DET1: variants seen among roughly 807,000 people sequenced by gnomAD.
The protein encoded by DET1 is DET1 homolog.
In DET1, 22 loss-of-function variants were observed where a neutral mutation model predicts 43.7. The ratio of observed to expected loss-of-function variants is 0.50; its 90% CI spans 0.36 to 0.72. The LOEUF (loss-of-function observed/expected upper bound fraction) is 0.72. Among genes scored for constraint, DET1 ranks in the 30% least tolerant of loss-of-function variants. DET1 has a pLI of 0.00. For synonymous variants in DET1, 315 were observed against 266.2 expected, an observed-to-expected ratio of 1.18 and a Z score of -1.79; for missense variants, 713 against 713.3, an observed-to-expected ratio of 1.00 and a Z score of 0.00.
intron 7 of DET1, among the ~76,000 whole-genome samples, chr15:88,506,652 G>C (rs530189075): frequency 6.6e-6 from 1 of 152,260 alleles, no homozygotes; most frequent in South Asian, 2.1e-4. Context: ...CTTCATGACT[G>C]AGTTTAAGTT....
At chr15:88,528,027 C>A (rs183327232) in intron 2 of DET1, among the ~76,000 whole-genome samples, 4 of 152,272 alleles carry the variant, frequency 2.6e-5, no homozygotes, top group African/African-American at 9.6e-5. Flanking sequence ...TCAATGTTGC[C>A]AGATTTTCCA....
At chr15:88,523,672 C>A (rs1455676667) in intron 3 of DET1, among the ~76,000 whole-genome samples, 4 of 152,236 alleles carry the variant, frequency 2.6e-5, no homozygotes. Context: ...AGCTCCTGAC[C>A]GCGAGTGATC....
At chr15:88,513,286 A>G (rs969419162) in intron 4 of DET1, 146 bp from the exon 5 acceptor site, 9 of 815,750 alleles carry the variant, frequency 1.1e-5, no homozygotes, top group African/African-American at 1.7e-5. Context: ...CCAGGTTATC[A>G]GAAGTATAAA....
At chr15:88,509,067 T>G (rs1398574568), downstream of DET1, among the ~76,000 whole-genome samples, 2 of 152,230 alleles carry the variant, frequency 1.3e-5, no homozygotes, top group Non-Finnish European at 2.9e-5. Context: ...CAAGTACAGA[T>G]GCAAGTCATA....
chr15:88,522,197 T>G (rs2056508778), intron 3 of DET1, among the ~76,000 whole-genome samples: 1 of 152,226 alleles, frequency 6.6e-6, no homozygotes, highest in Admixed American at 6.5e-5. Context: ...CAAAAATTCC[T>G]GAAAGTTTAA....
At position 88,512,802 on chromosome 15, in the gene DET1, C is replaced by A; in HGVS notation, c.*149G>T. The A allele has an allele frequency of 7.1e-7, 1 of 1,412,212 alleles. No homozygotes were observed. Among genetic ancestry groups the A allele is most frequent in the Non-Finnish European group, 9.2e-7 (1 of 1,083,112 alleles). 87.5% of individuals were successfully genotyped at this position (1,412,212 alleles called of 1,614,324 possible). ...AAAAATTCCATTAGGTTGAGCCACC[C>A]TCACTCCTCTCTCTGGCTCTCTCCC... is the stretch of plus-strand genomic sequence containing the variant. On this transcript the variant is annotated 3_prime_UTR_variant, in exon 5 of 5. Transcript: ENST00000268148.
At chr15:88,527,285 A>G (rs997448847) in intron 3 of DET1, among the ~76,000 whole-genome samples, 4 of 152,240 alleles carry the variant, frequency 2.6e-5, no homozygotes, top group African/African-American at 9.6e-5. Context: ...AAAAGTTTCT[A>G]AAATGATTTT....
In DET1 at chr15:88,516,638, G is replaced by C. The variant is rs2056351637; in HGVS notation, c.1463+144C>G. 3.1e-6 allele frequency: 2 copies of C among 642,408 alleles called. No homozygotes were observed. Among genetic ancestry groups the C allele is most frequent in the Non-Finnish European group, 4.9e-6 (2 of 406,550 alleles). The allele number at this position is 642,408 out of a possible 1,614,324, so 39.8% of individuals were successfully genotyped here. A position where few individuals can be genotyped will look rare whatever the true frequency, so the allele number is the denominator to read the frequency against. ...CACCTAAATGATCACAGCTCTCACT[G>C]CATTATAGAAATAGCCTGCCTTTTC... On this transcript the variant is annotated intron_variant, in intron 4 of 4. Transcript: ENST00000268148. The surrounding 1 kb of genome is among the most constrained non-coding windows in gnomAD (Gnocchi z 4.4).
rs115377705 is a variant in DET1 at position 88,531,770 on chromosome 15, A to G, written c.-10-55T>C. The G allele has an allele frequency of 2.1e-3, 3,134 of 1,480,066 alleles. 58 individuals are homozygous for G. In the African/African-American group the frequency reaches 0.038, roughly 18 times the overall value. 91.7% of individuals were successfully genotyped at this position (1,480,066 alleles called of 1,614,324 possible). A position where few individuals can be genotyped will look rare whatever the true frequency, so the allele number is the denominator to read the frequency against. ...AAAGTGAAACAGAATTTACCAAAAT[A>G]TAAATATATACAAGTGAAACAGATT... is the stretch of plus-strand genomic sequence containing the variant. On this transcript the variant is annotated intron_variant, in intron 1 of 4. Coordinates refer to ENST00000268148, the MANE Select transcript of DET1 (RefSeq NM_001144074.3). This position sits in a 1 kb window ranked among gnomAD's most constrained non-coding sequence, Gnocchi z 6.2.
chr15:88,515,538 TATAAAAAAAAAAAA>T (rs1201107911), intron 4 of DET1, among the ~76,000 whole-genome samples: 1,036 of 47,494 alleles, frequency 0.022, 77 homozygotes, highest in South Asian at 0.1. Context: ...GACTCCGTCT[TATAAAAAAAAAAAA>T]AAAAAAAAAA....
intron 3 of DET1, among the ~76,000 whole-genome samples, chr15:88,524,989 A>G (rs2056623479): frequency 6.6e-6 from 1 of 152,206 alleles, no homozygotes; most frequent in African/African-American, 2.4e-5. Context: ...TATACATTAT[A>G]TTTTCAATGT....
At chr15:88,524,097 T>C (rs2056586872) in intron 3 of DET1, among the ~76,000 whole-genome samples, 1 of 148,614 alleles carries the variant, frequency 6.7e-6, no homozygotes, top group African/African-American at 2.5e-5. Context: ...CGCCGCCCCA[T>C]CTGGGATGTG....
rs1446372951 is a variant in DET1, at chr15:88,535,768, A to G, written c.-10-4053T>C. On this transcript the variant is annotated intron_variant, in intron 1 of 4. Transcript: ENST00000268148. ...GAGACTCTGTCAAAAGAAAGAAAAAAAGAAAGAAAGAAAGGAAGGAAGGGG... is the reference window on the plus strand; with the variant it reads ...GAGACTCTGTCAAAAGAAAGAAAAAGAGAAAGAAAGAAAGGAAGGAAGGGG... Among the ~76,000 whole-genome samples, 3 of 148,486 alleles carry G rather than the reference A, an allele frequency of 2.0e-5. No homozygotes were observed. The South Asian group carries it at 6.8e-4, about 33-fold the overall frequency.
At chr15:88,536,726 G>A (rs773167950) in intron 1 of DET1, among the ~76,000 whole-genome samples, 3 of 135,572 alleles carry the variant, frequency 2.2e-5, no homozygotes, top group Non-Finnish European at 4.6e-5. Context: ...AGTCAAGATT[G>A]TACCACTGCA....
intron 4 of DET1, among the ~76,000 whole-genome samples, chr15:88,515,399 T>TGTGGTG (rs2056313334): frequency 1.3e-5 from 2 of 150,040 alleles, no homozygotes; most frequent in African/African-American, 4.9e-5. Context: ...ATTAGCCAGG[T>TGTGGTG]GTGGTGGTGG....
chr15:88,531,826 C>T lies in DET1; in HGVS notation c.-10-111G>A. On this transcript the variant is annotated intron_variant, in intron 1 of 4. Transcript: ENST00000268148. This position sits in a 1 kb window ranked among gnomAD's most constrained non-coding sequence, Gnocchi z 6.2. ...TCTTATATCCTGAACCTAGGAGCTC[C>T]CAAGATGACAGTGACTGGCATTACT... 5 of 1,058,816 alleles carry T rather than the reference C, an allele frequency of 4.7e-6. No homozygotes were observed. The highest frequency in any genetic ancestry group is 6.6e-6 in the Non-Finnish European group (5 of 756,422). The allele number at this position is 1,058,816 out of a possible 1,614,324, so 65.6% of individuals were successfully genotyped here.
chr15:88,536,628 A>T (rs1020929459), intron 1 of DET1, among the ~76,000 whole-genome samples: 3 of 151,834 alleles, frequency 2.0e-5, no homozygotes, highest in Admixed American at 2.0e-4. Context: ...AAATACAAAA[A>T]TTAGCTGGGC....
intron 3 of DET1, among the ~76,000 whole-genome samples, chr15:88,517,602 CT>C (rs1288894161): frequency 6.6e-6 from 1 of 152,150 alleles, no homozygotes; most frequent in Non-Finnish European, 1.5e-5. Flanking sequence ...ACTATTTCTA[CT>C]CTTTTCTAAT....
intron 3 of DET1, among the ~76,000 whole-genome samples, chr15:88,519,083 C>T (rs558819122): frequency 1.3e-5 from 2 of 152,276 alleles, no homozygotes; most frequent in African/African-American, 2.4e-5. Context: ...CCTGACTCAC[C>T]GACTCCCTGG....
Sources: gnomAD v4.1 joint callset for allele counts (sites outside exome capture counted in the v4.1 genomes callset) on GRCh38, gnomAD v4.1.1 for gene constraint, Gnocchi (gnomAD v3.1) non-coding constraint, MANE v1.5 for transcripts, NCBI Gene and HGNC (gene_info 2026-07-23, HGNC 2026-07-21) for gene names.